Variants in MBOAT2 observed in about 807,000 individuals in gnomAD.
MBOAT2 encodes the protein membrane bound glycerophospholipid O-acyltransferase 2.
In MBOAT2, 28 loss-of-function variants were observed where a neutral mutation model predicts 63.4. The ratio of observed to expected loss-of-function variants is 0.44; its 90% CI spans 0.33 to 0.61. The LOEUF is 0.61. Among genes scored for constraint, MBOAT2 ranks in the 20% least tolerant of loss-of-function variants. The pLI is 0.03. For missense variants in MBOAT2, 470 were observed against 605.8 expected, an observed-to-expected ratio of 0.78 and a Z score of 2.35; for synonymous variants, 211 against 215.6, an observed-to-expected ratio of 0.98 and a Z score of 0.19.
At chr2:8,949,255 T>G (rs1668643943) in intron 2 of MBOAT2, among the ~76,000 whole-genome samples, 1 of 152,222 alleles carries the variant, frequency 6.6e-6, no homozygotes, top group Non-Finnish European at 1.5e-5. Context: ...AATCCACAGT[T>G]AGCAAATATT....
chr2:8,983,855 T>G (rs926492082), intron 1 of MBOAT2, among the ~76,000 whole-genome samples: 17 of 152,304 alleles, frequency 1.1e-4, no homozygotes, highest in African/African-American at 3.8e-4. Context: ...AACTTTTCTG[T>G]GAATTTAATA....
intron 6 of MBOAT2, among the ~76,000 whole-genome samples, chr2:8,879,569 G>A (rs555954293): frequency 5.5e-4 from 83 of 152,016 alleles, no homozygotes; most frequent in Non-Finnish European, 1.0e-3. Flanking sequence ...TGGGCTTCTC[G>A]TGTACAGAAT....
At chr2:8,957,715 C>G (rs527240552) in intron 2 of MBOAT2, among the ~76,000 whole-genome samples, 1 of 152,194 alleles carries the variant, frequency 6.6e-6, no homozygotes, top group South Asian at 2.1e-4. Context: ...CTGTGAATGG[C>G]GAACACTACA....
rs1670355122 is a variant in MBOAT2, at chr2:8,970,319, C to T, written c.76-11677G>A. On this transcript the variant is annotated intron_variant, in intron 1 of 12. Transcript: ENST00000305997. ...CAGAAATAAAGATGTTCTTTGAAACCAATGAGAACAAAGACACAACATACC... is the reference window on the plus strand; with the variant it reads ...CAGAAATAAAGATGTTCTTTGAAACTAATGAGAACAAAGACACAACATACC... 3.3e-5 allele frequency among the ~76,000 whole-genome samples: 5 copies of T among 152,198 alleles called. No homozygotes were observed. In the South Asian group the frequency reaches 8.3e-4, roughly 25 times the overall value.
intron 3 of MBOAT2, among the ~76,000 whole-genome samples, chr2:8,909,002 T>A (rs1665521200): frequency 6.6e-6 from 1 of 152,186 alleles, no homozygotes; most frequent in Admixed American, 6.5e-5. Context: ...CATAAACCTG[T>A]GGTTAGTATG....
At chr2:8,898,518 G>GGTCTAGC (rs1664657277) in intron 4 of MBOAT2, among the ~76,000 whole-genome samples, 1 of 152,228 alleles carries the variant, frequency 6.6e-6, no homozygotes, top group Non-Finnish European at 1.5e-5. Flanking sequence ...TAGACACCTA[G>GGTCTAGC]TACCCTTGAT....
intron 5 of MBOAT2, among the ~76,000 whole-genome samples, chr2:8,884,167 T>TG (rs1303771446): frequency 9.2e-6 from 1 of 108,988 alleles, no homozygotes; most frequent in Non-Finnish European, 1.7e-5. Flanking sequence ...ATCTGGGAAG[T>TG]GGAGGTTTCA....
intron 6 of MBOAT2, among the ~76,000 whole-genome samples, chr2:8,877,826 C>T (rs991823936): frequency 2.0e-5 from 3 of 151,970 alleles, no homozygotes; most frequent in Admixed American, 6.6e-5. Context: ...GGGAATGATG[C>T]GTGAAGACCC....
intron 9 of MBOAT2, among the ~76,000 whole-genome samples, chr2:8,866,668 GTTGGT>G (rs1661917356): frequency 6.6e-6 from 1 of 152,176 alleles, no homozygotes; most frequent in South Asian, 2.1e-4. Flanking sequence ...GTCTTTTCCA[GTTGGT>G]TTGGTCAATC....
intron 3 of MBOAT2, among the ~76,000 whole-genome samples, chr2:8,919,427 AGTT>A (rs1160967742): frequency 6.6e-6 from 1 of 152,208 alleles, no homozygotes; most frequent in Non-Finnish European, 1.5e-5. Context: ...GTGGATATAT[AGTT>A]GTTATTATAT....
chr2:8,873,177 T>C lies in MBOAT2; in HGVS notation c.814A>G (p.Thr272Ala), dbSNP rs202062819. ...EHFQATASWPTKIIYLYISLL... is the reference protein window; with the variant it reads ...EHFQATASWPAKIIYLYISLL... Reference sequence around the variant, plus strand: ...GAGATATACAGATAGATAATCTTTGTTGGCCACGAAGCTGTAGCTTGAAAA... The same window carrying C: ...GAGATATACAGATAGATAATCTTTGCTGGCCACGAAGCTGTAGCTTGAAAA... Residue 272 changes from threonine to alanine, a missense_variant, in exon 8 of 13, where the codon ACA becomes GCA. Physicochemically the swap from Thr to Ala is moderately conservative, Grantham distance 58. This residue lies in a region of MBOAT2 where 376 missense variants were observed against 503.8 expected (regional missense o/e 0.75). Coordinates refer to ENST00000305997, the MANE Select transcript of MBOAT2 (RefSeq NM_138799.4). 5.4e-5 allele frequency: 87 copies of C among 1,614,070 alleles called. No homozygotes were observed. The highest frequency in any genetic ancestry group is 1.6e-5 in the Non-Finnish European group (19 of 1,180,030).
intron 5 of MBOAT2, among the ~76,000 whole-genome samples, chr2:8,884,195 C>CAAAAAAAAAAAA (rs1169179642): frequency 9.1e-5 from 2 of 22,098 alleles, no homozygotes; most frequent in Admixed American, 4.7e-4. Context: ...AAGACTCAGC[C>CAAAAAAAAAAAA]AAAAAAAAAA....
chr2:8,908,620 C>A lies in MBOAT2; in HGVS notation c.395+1G>T. 6.4e-7 allele frequency: 1 copy of A among 1,569,624 alleles called. No homozygotes were observed. Among genetic ancestry groups the A allele is most frequent in the Non-Finnish European group, 8.7e-7 (1 of 1,145,680 alleles). ...CTACTGAATCAAAGTTTTCATCTTA[C>A]CCTGAAAAATCAGCAGAATATTGTC... On this transcript the variant is annotated splice_donor_variant, in intron 4 of 12. Transcript: ENST00000305997. LOFTEE classifies it high-confidence loss of function.
chr2:8,925,749 T>A (rs1468196388), intron 3 of MBOAT2, among the ~76,000 whole-genome samples: 1 of 152,232 alleles, frequency 6.6e-6, no homozygotes, highest in Non-Finnish European at 1.5e-5. Context: ...GGCAAATGTG[T>A]ACTGGCTCAT....
intron 1 of MBOAT2, among the ~76,000 whole-genome samples, chr2:8,978,773 T>A (rs1036707913): frequency 6.6e-6 from 1 of 151,910 alleles, no homozygotes; most frequent in African/African-American, 2.4e-5. Context: ...GGCACACGTA[T>A]ACCTATGTAA....
intron 1 of MBOAT2, among the ~76,000 whole-genome samples, chr2:8,967,458 C>T (rs1013285427): frequency 1.1e-4 from 17 of 152,112 alleles, no homozygotes; most frequent in Admixed American, 4.6e-4. Context: ...TAAATGGAAA[C>T]GCAAAACATT....
chr2:8,885,247 T>C (rs1033465774), intron 5 of MBOAT2, among the ~76,000 whole-genome samples: 2 of 152,244 alleles, frequency 1.3e-5, no homozygotes, highest in Non-Finnish European at 2.9e-5. Context: ...ATTATCTCCA[T>C]GGGTGGCTGC....
chr2:8,884,463 T>C (rs1158414105), intron 5 of MBOAT2, among the ~76,000 whole-genome samples: 2 of 142,686 alleles, frequency 1.4e-5, no homozygotes, highest in Non-Finnish European at 3.0e-5. Context: ...CCATATCAGA[T>C]ATATGTTGTC....
chr2:8,992,812 G>A (rs1023374027), intron 1 of MBOAT2, among the ~76,000 whole-genome samples: 7 of 152,218 alleles, frequency 4.6e-5, no homozygotes, highest in East Asian at 1.9e-4. Flanking sequence ...TGTGGTCCAC[G>A]GGGTTGGCAG....
Sources: gnomAD v4.1 joint callset for allele counts (sites outside exome capture counted in the v4.1 genomes callset) on GRCh38, gnomAD v4.1.1 for gene constraint, gnomAD v4.1.1 regional missense constraint, MANE v1.5 for transcripts, NCBI Gene and HGNC (gene_info 2026-07-23, HGNC 2026-07-21) for gene names.